SLC8A1: variants seen among roughly 807,000 people sequenced by gnomAD.
SLC8A1 encodes sodium/calcium exchanger 1.
Under a neutral mutation model 68.3 loss-of-function variants are expected in SLC8A1, and 18 were observed. The observed-to-expected ratio is 0.26, with a 90% CI of 0.18 to 0.39. The LOEUF (loss-of-function observed/expected upper bound fraction) is 0.39. SLC8A1 is among the 10% of genes least tolerant of loss of function. SLC8A1 has a pLI of 1.00. For missense variants in SLC8A1, 985 were observed against 1,156.7 expected, an observed-to-expected ratio of 0.85 and a Z score of 2.15; for synonymous variants, 475 against 415.5, an observed-to-expected ratio of 1.14 and a Z score of -1.74.
intron 7 of SLC8A1, among the ~76,000 whole-genome samples, chr2:40,119,909 C>G (rs192974933): frequency 3.1e-4 from 47 of 152,302 alleles, no homozygotes; most frequent in Middle Eastern, 3.4e-3. Context: ...TGGAATTAAA[C>G]TACACATCAC....
chr2:40,194,309 C>T (rs2052496995), intron 2 of SLC8A1, among the ~76,000 whole-genome samples: 3 of 152,066 alleles, frequency 2.0e-5, no homozygotes, highest in African/African-American at 7.2e-5. Context: ...ATTGCTATCA[C>T]ATTACATTAT....
intron 2 of SLC8A1, among the ~76,000 whole-genome samples, chr2:40,227,210 TTAA>T (rs2059092443): frequency 6.6e-6 from 1 of 151,998 alleles, no homozygotes; most frequent in Non-Finnish European, 1.5e-5. Context: ...GTTTTGTGAG[TTAA>T]TATAGTCTCC....
At chr2:40,125,391 C>T (rs1478088804) in intron 7 of SLC8A1, among the ~76,000 whole-genome samples, 1 of 152,106 alleles carries the variant, frequency 6.6e-6, no homozygotes. Flanking sequence ...CAATATGGAA[C>T]AAGAATCGTA....
exon 5 of SLC8A1, chr2:40,164,878 G>C (rs763409407): frequency 1.2e-6 from 2 of 1,613,760 alleles, no homozygotes; most frequent in East Asian, 2.2e-5. Context: ...ATTCTTCAAT[G>C]ATCACTTCCA....
chr2:40,503,599 T>C (rs1056800557), intron 1 of SLC8A1, among the ~76,000 whole-genome samples: 10 of 151,944 alleles, frequency 6.6e-5, no homozygotes, highest in Non-Finnish European at 1.5e-4. Flanking sequence ...ATAAACAAAT[T>C]TAGTAAAGTT....
chr2:40,195,820 T>G (rs2052869429), intron 2 of SLC8A1: 1 of 152,108 alleles, frequency 6.6e-6, no homozygotes, highest in South Asian at 2.1e-4. Flanking sequence ...TCATGCATTC[T>G]GAAGTGGTAA....
rs529686280 is a variant in SLC8A1, at chr2:40,277,482, G to C, written c.1809-99627C>G. Among the ~76,000 whole-genome samples the C allele has an allele frequency of 3.3e-5, 5 of 152,228 alleles. No individual in the cohort carries two copies. The East Asian group carries it at 9.7e-4, about 29-fold the overall frequency. Reference sequence around the variant, plus strand: ...TTGAACCTCGGAGGCAGAGGTTGCAGTGAGCTGAGATACGACCACTGCCCT... The same window carrying C: ...TTGAACCTCGGAGGCAGAGGTTGCACTGAGCTGAGATACGACCACTGCCCT... On this transcript the variant is annotated intron_variant, in intron 2 of 7. Transcript: ENST00000406785.
At chr2:40,222,647 A>G (rs1405638993) in intron 2 of SLC8A1, among the ~76,000 whole-genome samples, 1 of 152,242 alleles carries the variant, frequency 6.6e-6, no homozygotes, top group African/African-American at 2.4e-5. Context: ...AATATCCAGA[A>G]TCTACAAAGA....
At chr2:40,280,450 G>A (rs1398769389) in intron 2 of SLC8A1, among the ~76,000 whole-genome samples, 1 of 152,090 alleles carries the variant, frequency 6.6e-6, no homozygotes, top group African/African-American at 2.4e-5. Context: ...ATTCTTTCTT[G>A]ATGTAAAACA....
chr2:40,219,802 T>G (rs2058046766), intron 2 of SLC8A1, among the ~76,000 whole-genome samples: 1 of 92,450 alleles, frequency 1.1e-5, no homozygotes, highest in Non-Finnish European at 2.8e-5. Flanking sequence ...ATGAGAGAGA[T>G]GTGCTTTGTT....
chr2:40,419,318 T>G (rs987435343), intron 2 of SLC8A1, among the ~76,000 whole-genome samples: 1 of 152,218 alleles, frequency 6.6e-6, no homozygotes, highest in African/African-American at 2.4e-5. Context: ...AAGAAGCAGC[T>G]TGAGTGAATC....
chr2:40,486,106 T>C (rs1704951870), intron 1 of SLC8A1, among the ~76,000 whole-genome samples: 1 of 152,166 alleles, frequency 6.6e-6, no homozygotes, highest in African/African-American at 2.4e-5. Flanking sequence ...TGAGAACTGA[T>C]GGTTTTATAA....
chr2:40,152,133 G>A (rs1358274633), intron 6 of SLC8A1, among the ~76,000 whole-genome samples: 1 of 152,154 alleles, frequency 6.6e-6, no homozygotes, highest in Admixed American at 6.5e-5. Context: ...ATTAAAGTTA[G>A]AGTCCTAAAT....
chr2:40,230,948 T>G (rs1360508585), intron 2 of SLC8A1, among the ~76,000 whole-genome samples: 1 of 152,194 alleles, frequency 6.6e-6, no homozygotes, highest in Non-Finnish European at 1.5e-5. Context: ...CTCTTTTGTG[T>G]GATGCACAAA....
intron 2 of SLC8A1, among the ~76,000 whole-genome samples, chr2:40,296,123 C>A (rs1168934354): frequency 6.6e-6 from 1 of 152,164 alleles, no homozygotes. Flanking sequence ...GGCCTCAATT[C>A]ACTCTCCTTA....
In SLC8A1 at chr2:40,139,514, A is replaced by G. The variant is rs763128553; in HGVS notation, c.2324T>C (p.Ile775Thr). The G allele has an allele frequency of 1.2e-5, 20 of 1,614,086 alleles. 1 individual carries two copies. Among genetic ancestry groups the G allele is most frequent in the South Asian group, 4.4e-5 (4 of 91,086 alleles). The stretch of plus-strand genomic sequence containing the variant: ...TCCAATGAAAGCTGTCAGTAGGCCA[A>G]TCATGAGGATGGAGACAATGAAACA... The change falls in exon 7 of 8, where the codon ATT becomes ACT. Residue 775 changes from isoleucine (I) to threonine (T), a missense_variant. Physicochemically the swap from Ile to Thr is moderately conservative, Grantham distance 89. This residue lies in a region of SLC8A1 where 144 missense variants were observed against 260.4 expected (regional missense o/e 0.55). Transcript: ENST00000406785.
intron 1 of SLC8A1, among the ~76,000 whole-genome samples, chr2:40,444,297 C>T (rs1464869710): frequency 1.3e-5 from 2 of 152,142 alleles, no homozygotes; most frequent in Non-Finnish European, 2.9e-5. Context: ...CATGATCATG[C>T]CACTGCACCC....
intron 2 of SLC8A1, among the ~76,000 whole-genome samples, chr2:40,289,022 T>C (rs566874611): frequency 2.2e-4 from 33 of 151,940 alleles, no homozygotes; most frequent in Non-Finnish European, 3.2e-4. Flanking sequence ...ATCTTTTGAC[T>C]GGACAATATT....
chr2:40,324,131 G>A (rs1206884123), intron 2 of SLC8A1, among the ~76,000 whole-genome samples: 1 of 152,132 alleles, frequency 6.6e-6, no homozygotes, highest in East Asian at 1.9e-4. Flanking sequence ...ATGTAAAAAG[G>A]TGATGGAGAT....
Sources: allele counts gnomAD v4.1 joint callset (sites outside exome capture counted in the v4.1 genomes callset), GRCh38; gene constraint gnomAD v4.1.1; regional missense constraint gnomAD v4.1.1; transcripts MANE v1.5; gene names NCBI Gene and HGNC (gene_info 2026-07-23, HGNC 2026-07-21).